Variants in ATXN8OS observed in about 807,000 individuals in gnomAD.
The protein encoded by ATXN8OS is ATXN8 opposite strand lncRNA.
At chr13:70,128,265 C>T (rs1781876574) in intron 2 of ATXN8OS, among the ~76,000 whole-genome samples, 1 of 152,122 alleles carries the variant, frequency 6.6e-6, no homozygotes, top group African/African-American at 2.4e-5. Context: ...AAATGGGCAT[C>T]TAGAATAACA....
intron 3 of ATXN8OS, among the ~76,000 whole-genome samples, chr13:70,145,202 T>G (rs931964270): frequency 2.0e-5 from 3 of 152,246 alleles, no homozygotes; most frequent in South Asian, 2.1e-4. Flanking sequence ...TCTGTTCCAT[T>G]GATCTATATT....
chr13:70,130,853 A>G, intron 3 of ATXN8OS: 1 of 398,568 alleles, frequency 2.5e-6, no homozygotes, highest in Non-Finnish European at 4.4e-6. Context: ...TTGAAGGTAT[A>G]GAGAAGGCAG....
At chr13:70,150,967 A>G (rs1160185987) in intron 4 of ATXN8OS, among the ~76,000 whole-genome samples, 1 of 152,112 alleles carries the variant, frequency 6.6e-6, no homozygotes, top group Non-Finnish European at 1.5e-5. Flanking sequence ...TTTTTTTAAA[A>G]AACAGCTTTA....
intron 3 of ATXN8OS, among the ~76,000 whole-genome samples, chr13:70,145,238 G>C (rs186828058): frequency 6.6e-5 from 10 of 152,258 alleles, no homozygotes; most frequent in South Asian, 6.2e-4. Flanking sequence ...GTACCATGCT[G>C]TTTTGGTTAC....
chr13:70,120,886 G>A (rs938216697), intron 2 of ATXN8OS, among the ~76,000 whole-genome samples: 5 of 148,316 alleles, frequency 3.4e-5, no homozygotes, highest in East Asian at 2.0e-4. Context: ...ACACATGGAC[G>A]CAGGAAGGGG....
intron 4 of ATXN8OS, among the ~76,000 whole-genome samples, chr13:70,166,742 A>G (rs1295308310): frequency 1.3e-5 from 2 of 152,142 alleles, no homozygotes; most frequent in Non-Finnish European, 2.9e-5. Flanking sequence ...AACCTACACA[A>G]TGGGAGAAAA....
chr13:70,111,455 T>G (rs1888197738), intron 1 of ATXN8OS, among the ~76,000 whole-genome samples: 1 of 152,192 alleles, frequency 6.6e-6, no homozygotes, highest in African/African-American at 2.4e-5. Context: ...GCAATGGGGT[T>G]AAGCATGCTG....
intron 4 of ATXN8OS, among the ~76,000 whole-genome samples, chr13:70,165,609 A>C (rs1261033493): frequency 6.6e-6 from 1 of 152,018 alleles, no homozygotes; most frequent in Admixed American, 6.6e-5. Context: ...GCGTATCCAA[A>C]TCAGAAATCA....
intron 1 of ATXN8OS, among the ~76,000 whole-genome samples, chr13:70,114,185 C>A (rs773006863): frequency 1.3e-4 from 20 of 152,228 alleles, no homozygotes; most frequent in Admixed American, 5.9e-4. Context: ...TACACCCAGT[C>A]AGGATGCTTT....
At chr13:70,152,357 G>GTATATATACATATATA (rs1475821395) in intron 4 of ATXN8OS, among the ~76,000 whole-genome samples, 6 of 149,704 alleles carry the variant, frequency 4.0e-5, no homozygotes, top group East Asian at 4.2e-4. Flanking sequence ...CTGTGTGTGT[G>GTATATATACATATATA]TGTATATATA....
chr13:70,127,422 T>C (rs1888454950), intron 2 of ATXN8OS, among the ~76,000 whole-genome samples: 1 of 152,096 alleles, frequency 6.6e-6, no homozygotes, highest in African/African-American at 2.4e-5. Flanking sequence ...TTAAGAATTA[T>C]GCACATAATT....
intron 1 of ATXN8OS, chr13:70,108,157 T>C: frequency 2.5e-6 from 1 of 400,698 alleles, no homozygotes; most frequent in East Asian, 3.6e-5. Context: ...GGTGGCGTTC[T>C]TGTCCTTGCA....
exon 1 of ATXN8OS, chr13:70,107,837 G>T: frequency 1.5e-6 from 1 of 652,828 alleles, no homozygotes; most frequent in Non-Finnish European, 2.5e-6. Context: ...GAAGACGCTA[G>T]GTGGGCTGCG....
At chr13:70,153,554 AAC>A (rs1249797935) in intron 4 of ATXN8OS, among the ~76,000 whole-genome samples, 2 of 152,228 alleles carry the variant, frequency 1.3e-5, no homozygotes, top group African/African-American at 4.8e-5. Context: ...CAGCCCGGGC[AAC>A]AGTGAGAGAC....
intron 4 of ATXN8OS, among the ~76,000 whole-genome samples, chr13:70,152,892 G>C (rs59798387): frequency 0.016 from 2,449 of 151,964 alleles, 68 homozygotes; most frequent in African/African-American, 0.056. Flanking sequence ...AGATTACTAA[G>C]CACATGCAAA....
chr13:70,132,443 A>T (rs1261566106), intron 3 of ATXN8OS, among the ~76,000 whole-genome samples: 2 of 151,842 alleles, frequency 1.3e-5, no homozygotes, highest in African/African-American at 4.8e-5. Context: ...AGATGGCAAC[A>T]ATAGACATTG....
chr13:70,163,411 AC>A (rs1021631036), intron 4 of ATXN8OS, among the ~76,000 whole-genome samples: 2 of 151,960 alleles, frequency 1.3e-5, no homozygotes. Context: ...CCATATGTCC[AC>A]CCCATGAGAC....
chr13:70,115,628 T>G (rs1476798447), intron 2 of ATXN8OS, among the ~76,000 whole-genome samples: 2 of 152,152 alleles, frequency 1.3e-5, no homozygotes, highest in African/African-American at 4.8e-5. Context: ...TCTTATTTAA[T>G]TTTGAATTCA....
chr13:70,149,552 G>A (rs142940150), intron 4 of ATXN8OS, among the ~76,000 whole-genome samples: 61 of 152,126 alleles, frequency 4.0e-4, no homozygotes, highest in Admixed American at 2.1e-3. Context: ...CACATAATAC[G>A]AAAATAGCTA....
Sources: allele counts gnomAD v4.1 joint callset (sites outside exome capture counted in the v4.1 genomes callset), GRCh38; gene constraint gnomAD v4.1.1; transcripts MANE v1.5; gene names NCBI Gene and HGNC (gene_info 2026-07-23, HGNC 2026-07-21).